STK3: variants seen among roughly 807,000 people sequenced by gnomAD.
The protein encoded by STK3 is serine/threonine-protein kinase 3.
A neutral mutation model predicts 58.0 loss-of-function variants in STK3; 41 were observed. The ratio of observed to expected loss-of-function variants is 0.71; its 90% confidence interval spans 0.55 to 0.92. The LOEUF (loss-of-function observed/expected upper bound fraction) is 0.92. Ranked by LOEUF, STK3 falls within the 40% of genes least tolerant of loss-of-function variation. The pLI, the probability that STK3 is intolerant of heterozygous loss-of-function variation, is 0.00. For synonymous variants in STK3, 170 were observed against 191.0 expected, an observed-to-expected ratio of 0.89 and a Z score of 0.91; for missense variants, 479 against 602.7, an observed-to-expected ratio of 0.79 and a Z score of 2.15.
At chr8:98,910,413 C>T (rs1218967677) in intron 1 of STK3, among the ~76,000 whole-genome samples, 4 of 152,180 alleles carry the variant, frequency 2.6e-5, no homozygotes, top group African/African-American at 7.2e-5. Flanking sequence ...GCTCAATAAA[C>T]GTGAAGAACT....
At chr8:98,344,568 A>G in the STK3 span, among the ~76,000 whole-genome samples, 1 of 152,144 alleles carries the variant, frequency 6.6e-6, no homozygotes, top group African/African-American at 2.4e-5. Flanking sequence ...AAGGCAATAC[A>G]TGGCTGGAGC....
intron 3 of STK3, among the ~76,000 whole-genome samples, chr8:98,833,678 G>C (rs1835631919): frequency 6.6e-6 from 1 of 152,186 alleles, no homozygotes; most frequent in African/African-American, 2.4e-5. Flanking sequence ...TCAATCTGAG[G>C]ATTGCTATTT....
chr8:98,359,884 G>A, the STK3 span, among the ~76,000 whole-genome samples: 1 of 152,148 alleles, frequency 6.6e-6, no homozygotes, highest in South Asian at 2.1e-4. Context: ...AATGTGCCAT[G>A]TTTCCAGTGG....
At position 98,548,740 on chromosome 8, in the gene STK3, G is replaced by A. The variant is rs554077304; in HGVS notation, c.949-579C>T. Among the ~76,000 whole-genome samples, 31 of 151,982 alleles carry A rather than the reference G, an allele frequency of 2.0e-4. 1 individual carries two copies. In the South Asian group the frequency reaches 6.4e-3, roughly 32 times the overall value. ...TTCATTCCCCCTTTCCCCAGCCCTG[G>A]CAACCTCTATTGTACTTACAAGAGG... On this transcript the variant is annotated intron_variant, in intron 8 of 10. Coordinates refer to ENST00000419617, the MANE Select transcript of STK3 (RefSeq NM_006281.4).
intron 6 of STK3, among the ~76,000 whole-genome samples, chr8:98,690,223 A>G (rs1316750974): frequency 2.0e-5 from 3 of 152,134 alleles, no homozygotes; most frequent in Non-Finnish European, 4.4e-5. Flanking sequence ...GAAGTAAAAG[A>G]CATATAAATA....
chr8:98,916,192 A>C (rs1839342003), intron 1 of STK3, among the ~76,000 whole-genome samples: 1 of 152,186 alleles, frequency 6.6e-6, no homozygotes, highest in Admixed American at 6.5e-5. Context: ...AGGCGAGTGG[A>C]TCACTTGAGG....
At position 98,706,454 on chromosome 8, in the gene STK3, A is replaced by G. The variant is rs1480943563; in HGVS notation, c.684+13T>C. ...ATAAGGCTAACATTTTCAGCAAACC[A>G]TAATTTTCTTACCCTCATTGGATGT... On this transcript the variant is annotated intron_variant, in intron 6 of 10. Coordinates refer to ENST00000419617, the MANE Select transcript of STK3 (RefSeq NM_006281.4). The G allele has an allele frequency of 3.1e-6, 5 of 1,599,220 alleles. No homozygotes were observed. Among genetic ancestry groups the G allele is most frequent in the Middle Eastern group, 1.7e-4 (1 of 6,000 alleles).
At chr8:98,620,881 C>G (rs933215017) in intron 6 of STK3, among the ~76,000 whole-genome samples, 2 of 150,196 alleles carry the variant, frequency 1.3e-5, no homozygotes, top group African/African-American at 4.9e-5. Context: ...TTTTTAACTT[C>G]AATGTCCATG....
intron 6 of STK3, chr8:98,633,739 C>T: frequency 1.6e-6 from 1 of 626,252 alleles, no homozygotes; most frequent in Admixed American, 2.3e-5. Flanking sequence ...GATACTGATC[C>T]AGAGTACCAG....
intron 1 of STK3, among the ~76,000 whole-genome samples, chr8:98,776,426 A>T (rs1402946468): frequency 2.0e-5 from 3 of 151,972 alleles, no homozygotes; most frequent in African/African-American, 7.3e-5. Flanking sequence ...GAAAAATCTC[A>T]TTAAATATAA....
Position 98,757,770 on chromosome 8 carries a change from A to C in STK3, c.237-8380T>G, listed in dbSNP as rs192790154. Among the ~76,000 whole-genome samples the C allele has an allele frequency of 8.5e-3, 1,300 of 152,258 alleles. 10 individuals are homozygous for C. Among genetic ancestry groups the C allele is most frequent in the African/African-American group, 0.029 (1,225 of 41,528 alleles). ...TTCACTGAACAAGCCTACTAGCAGA[A>C]GCTAGGGAGAAAAATGGAAAAACAT... On this transcript the variant is annotated intron_variant, in intron 3 of 10. Coordinates refer to ENST00000419617, the MANE Select transcript of STK3 (RefSeq NM_006281.4).
At chr8:98,750,392 TA>T (rs1445441667) in intron 3 of STK3, among the ~76,000 whole-genome samples, 1 of 145,688 alleles carries the variant, frequency 6.9e-6, no homozygotes, top group Non-Finnish European at 1.5e-5. Flanking sequence ...TAGTAATAGC[TA>T]CAATCAAAAA....
intron 4 of STK3, among the ~76,000 whole-genome samples, chr8:98,747,552 T>C (rs554136304): frequency 6.6e-6 from 1 of 152,272 alleles, no homozygotes; most frequent in Non-Finnish European, 1.5e-5. Context: ...GCCTACAACA[T>C]CCAGATATTT....
intron 1 of STK3, among the ~76,000 whole-genome samples, chr8:98,776,987 T>G (rs1243381503): frequency 6.6e-6 from 1 of 151,740 alleles, no homozygotes; most frequent in Non-Finnish European, 1.5e-5. Context: ...GAGGCGGAGC[T>G]TGCCGTGAGC....
At chr8:98,850,213 A>G (rs974627496) in intron 3 of STK3, among the ~76,000 whole-genome samples, 6 of 152,174 alleles carry the variant, frequency 3.9e-5, no homozygotes, top group African/African-American at 1.4e-4. Flanking sequence ...CTCAGGCTGT[A>G]GTGCAATGGC....
chr8:98,786,695 A>G (rs367620733), intron 1 of STK3, among the ~76,000 whole-genome samples: 1 of 152,228 alleles, frequency 6.6e-6, no homozygotes, highest in Admixed American at 6.5e-5. Context: ...AAAGAGAAAA[A>G]GCAAACAACC....
chr8:98,599,759 G>A (rs886755229), intron 6 of STK3, among the ~76,000 whole-genome samples: 1 of 152,064 alleles, frequency 6.6e-6, no homozygotes, highest in Non-Finnish European at 1.5e-5. Flanking sequence ...ATCACCTGAG[G>A]CCAGGAGTTC....
intron 6 of STK3, among the ~76,000 whole-genome samples, chr8:98,661,310 T>C (rs1821950180): frequency 6.6e-6 from 1 of 152,114 alleles, no homozygotes; most frequent in Non-Finnish European, 1.5e-5. Flanking sequence ...TCACATGTCA[T>C]AGGCATATAG....
chr8:98,354,607 C>T, the STK3 span, among the ~76,000 whole-genome samples: 1 of 152,192 alleles, frequency 6.6e-6, no homozygotes, highest in African/African-American at 2.4e-5. Context: ...CTGTTATATA[C>T]AATTGACTAT....
Sources: allele counts gnomAD v4.1 joint callset (sites outside exome capture counted in the v4.1 genomes callset), GRCh38; gene constraint gnomAD v4.1.1; transcripts MANE v1.5; gene names NCBI Gene and HGNC (gene_info 2026-07-23, HGNC 2026-07-21).